AMD1: variants seen among roughly 807,000 people sequenced by gnomAD.
AMD1 encodes the protein S-adenosylmethionine decarboxylase proenzyme.
A neutral mutation model predicts 40.2 loss-of-function variants in AMD1; 11 were observed. The ratio of observed to expected loss-of-function variants is 0.27; its 90% CI spans 0.17 to 0.45. The LOEUF is 0.45. Among genes scored for constraint, AMD1 ranks in the 20% least tolerant of loss-of-function variants. The pLI is 1.00. For missense variants in AMD1, 257 were observed against 410.2 expected (o/e 0.63, Z 3.23); for synonymous variants, 121 against 130.8 (o/e 0.93, Z 0.51).
At chr6:110,845,026 G>A in the AMD1 span, among the ~76,000 whole-genome samples, 13 of 150,176 alleles carry the variant, frequency 8.7e-5, no homozygotes, top group Non-Finnish European at 1.6e-4. Flanking sequence ...TGAGGAGGGA[G>A]GTGCCACAGA....
upstream of AMD1, among the ~76,000 whole-genome samples, chr6:110,871,709 A>G (rs1394954388): frequency 6.6e-6 from 1 of 152,234 alleles, no homozygotes; most frequent in African/African-American, 2.4e-5. Context: ...TTGCTGTGAA[A>G]AGTAACAGCT....
the AMD1 span, among the ~76,000 whole-genome samples, chr6:110,851,088 C>T: frequency 5.9e-5 from 9 of 151,694 alleles, no homozygotes; most frequent in South Asian, 1.0e-3. Flanking sequence ...CTCAGCTTCC[C>T]GAGTAGCTGG....
chr6:110,826,759 C>G, the AMD1 span, among the ~76,000 whole-genome samples: 1 of 150,664 alleles, frequency 6.6e-6, no homozygotes, highest in Non-Finnish European at 1.5e-5. Flanking sequence ...TGGCGAAATC[C>G]CGGCTCACTG....
In AMD1 at chr6:110,888,953, T is replaced by G. The variant is rs772742842; in HGVS notation, c.294T>G (p.Ala98=). ...CACTGGTTCCCCTGTTGAAGCTTGCTAGGGATTACAGTGGGTTTGACTCAA... is the reference window on the plus strand; with the variant it reads ...CACTGGTTCCCCTGTTGAAGCTTGCGAGGGATTACAGTGGGTTTGACTCAA... The part of the protein sequence containing the change: ...LKALVPLLKL[A]RDYSGFDSIQ... Residue 98 remains alanine (A), a synonymous_variant, in exon 3 of 9, where the codon GCT becomes GCG. Transcript: ENST00000368885. 2 of 1,614,038 alleles carry G rather than the reference T, an allele frequency of 1.2e-6. No individual in the cohort carries two copies. Among genetic ancestry groups the G allele is most frequent in the Non-Finnish European group, 1.7e-6 (2 of 1,179,962 alleles).
the AMD1 span, among the ~76,000 whole-genome samples, chr6:110,855,038 T>C: frequency 3.3e-5 from 5 of 149,942 alleles, no homozygotes; most frequent in Admixed American, 3.3e-4. Context: ...CATTCTCTAA[T>C]TGCATGGCTT....
rs202029483 is a variant in AMD1, at chr6:110,892,719, CTT to C, written c.616-12_616-11del. Reference sequence around the variant, plus strand: ...TTGTCAAACCCTTGTTAAACTCGGTCTTTTTCCCCCCCCAGGAGAGTGGAATT... The same window carrying C: ...TTGTCAAACCCTTGTTAAACTCGGTCTTTCCCCCCCCAGGAGAGTGGAATT... On this transcript the variant is annotated splice_polypyrimidine_tract_variant and intron_variant, in intron 6 of 8. Coordinates refer to ENST00000368885, the MANE Select transcript of AMD1 (RefSeq NM_001634.6). The C allele has an allele frequency of 1.8e-5, 27 of 1,512,174 alleles. No homozygotes were observed. The African/African-American group carries it at 5.4e-4, about 30-fold the overall frequency. 93.7% of individuals were successfully genotyped at this position (1,512,174 alleles called of 1,614,324 possible). A position where few individuals can be genotyped will look rare whatever the true frequency, so the allele number is the denominator to read the frequency against.
the AMD1 span, among the ~76,000 whole-genome samples, chr6:110,845,227 C>G: frequency 6.6e-6 from 1 of 151,810 alleles, no homozygotes; most frequent in Non-Finnish European, 1.5e-5. Context: ...TTAGTAGAGA[C>G]GGGGTTTCAC....
chr6:110,849,158 G>C, the AMD1 span, among the ~76,000 whole-genome samples: 1 of 152,182 alleles, frequency 6.6e-6, no homozygotes, highest in Admixed American at 6.6e-5. Context: ...TTTATCTTGA[G>C]AACATGGTAT....
the AMD1 span, among the ~76,000 whole-genome samples, chr6:110,835,587 C>T: frequency 3.9e-5 from 6 of 151,932 alleles, no homozygotes; most frequent in Non-Finnish European, 7.4e-5. Context: ...AAAATCAGGC[C>T]GGGCGCAGTG....
the AMD1 span, chr6:110,858,192 G>A: frequency 1.5e-6 from 1 of 656,826 alleles, no homozygotes; most frequent in Non-Finnish European, 2.7e-6. Context: ...GCGCCTGCCA[G>A]GCCGTCTGTT....
At chr6:110,886,989 A>G (rs773639281) in intron 1 of AMD1, among the ~76,000 whole-genome samples, 6 of 152,182 alleles carry the variant, frequency 3.9e-5, no homozygotes, top group Non-Finnish European at 5.9e-5. Context: ...GCTGCGTAGT[A>G]TTCCCAAAAT....
the AMD1 span, among the ~76,000 whole-genome samples, chr6:110,855,063 C>CTGTTTTTTTTTTTTTTTTTTT: frequency 9.3e-6 from 1 of 107,336 alleles, no homozygotes; most frequent in East Asian, 5.4e-4. Context: ...TTCTCTCTCT[C>CTGTTTTTTTTTTTTTTTTTTT]TCTTTTTTTT....
At chr6:110,834,661 C>CA in the AMD1 span, among the ~76,000 whole-genome samples, 30 of 150,618 alleles carry the variant, frequency 2.0e-4, 1 homozygote, top group South Asian at 5.4e-3. Flanking sequence ...CTGCATCCAC[C>CA]AAAAAAAAAT....
the AMD1 span, among the ~76,000 whole-genome samples, chr6:110,852,248 GTCTC>G: frequency 8.6e-6 from 1 of 116,244 alleles, no homozygotes; most frequent in Non-Finnish European, 1.7e-5. Context: ...TTGAGAAGGA[GTCTC>G]TCTCTGTCGC....
chr6:110,822,690 A>G, the AMD1 span, among the ~76,000 whole-genome samples: 1 of 152,242 alleles, frequency 6.6e-6, no homozygotes, highest in Non-Finnish European at 1.5e-5. Context: ...TCAACAACAT[A>G]TAGCAAACTA....
chr6:110,882,814 T>C (rs1785480653), intron 1 of AMD1, among the ~76,000 whole-genome samples: 1 of 152,224 alleles, frequency 6.6e-6, no homozygotes, highest in Admixed American at 6.5e-5. Context: ...TAACTGATGA[T>C]GAGTGAGTAT....
At chr6:110,859,206 G>T in the AMD1 span, 1 of 777,342 alleles carries the variant, frequency 1.3e-6, no homozygotes, top group Non-Finnish European at 2.0e-6. Flanking sequence ...GGGTTTTTCT[G>T]TGTTTTCATC....
At chr6:110,824,458 C>T in the AMD1 span, among the ~76,000 whole-genome samples, 1 of 152,074 alleles carries the variant, frequency 6.6e-6, no homozygotes, top group Non-Finnish European at 1.5e-5. Flanking sequence ...TAAAAAATGA[C>T]ATATTGGGTA....
At chr6:110,869,796 A>G (rs1052796567), upstream of AMD1, among the ~76,000 whole-genome samples, 1 of 152,236 alleles carries the variant, frequency 6.6e-6, no homozygotes, top group Admixed American at 6.5e-5. Flanking sequence ...GGCGTGAGCC[A>G]CCACACCTGG....
Sources: allele counts gnomAD v4.1 joint callset (sites outside exome capture counted in the v4.1 genomes callset), GRCh38; gene constraint gnomAD v4.1.1; transcripts MANE v1.5; gene names NCBI Gene and HGNC (gene_info 2026-07-23, HGNC 2026-07-21).